The following RAPH1 variants were observed in gnomAD, a reference collection of about 807,000 sequenced individuals.
RAPH1 encodes the protein Ras association (RalGDS/AF-6) and pleckstrin homology domains 1, also known as ras-associated and pleckstrin homology domains-containing protein 1.
A neutral mutation model predicts 88.1 loss-of-function variants in RAPH1; 18 were observed. The ratio of observed to expected loss-of-function variants is 0.20; its 90% CI spans 0.14 to 0.30. The LOEUF is 0.30. RAPH1 is among the 10% of genes least tolerant of loss of function. RAPH1 has a pLI of 1.00. For missense variants in RAPH1, 1,448 were observed against 1,543.2 expected (o/e 0.94, Z 1.03); for synonymous variants, 587 against 559.0 (o/e 1.05, Z -0.71).
intron 1 of RAPH1, among the ~76,000 whole-genome samples, chr2:203,512,805 T>A (rs995461017): frequency 1.3e-5 from 2 of 151,936 alleles, no homozygotes; most frequent in African/African-American, 4.8e-5. Context: ...TTGTTATTTT[T>A]TAGTAGAGAC....
intron 1 of RAPH1, among the ~76,000 whole-genome samples, chr2:203,496,003 T>C (rs1688492825): frequency 6.6e-6 from 1 of 152,212 alleles, no homozygotes; most frequent in African/African-American, 2.4e-5. Flanking sequence ...AATCCTGTTA[T>C]GTGGTGACTT....
intron 3 of RAPH1, 68 bp from the exon 4 acceptor site, chr2:203,490,157 G>T: frequency 7.2e-7 from 1 of 1,390,032 alleles, no homozygotes; most frequent in Non-Finnish European, 9.7e-7. Flanking sequence ...AATAAATGCA[G>T]GTGATGAAGC....
At chr2:203,482,801 T>A (rs1161045927) in intron 4 of RAPH1, among the ~76,000 whole-genome samples, 1 of 148,718 alleles carries the variant, frequency 6.7e-6, no homozygotes, top group Non-Finnish European at 1.5e-5. Context: ...AGAATCTGTC[T>A]CAAAAAAAAC....
At chr2:203,456,499 C>T (rs1428664053) in intron 8 of RAPH1, among the ~76,000 whole-genome samples, 3 of 152,060 alleles carry the variant, frequency 2.0e-5, no homozygotes, top group Admixed American at 1.3e-4. Context: ...ATTCTAAGTT[C>T]TAAACACTAT....
intron 1 of RAPH1, among the ~76,000 whole-genome samples, chr2:203,526,865 C>T (rs1690145411): frequency 6.6e-6 from 1 of 151,402 alleles, no homozygotes; most frequent in African/African-American, 2.4e-5. Flanking sequence ...GCTCCTGCAA[C>T]CTCTCCCTCC....
intron 4 of RAPH1, among the ~76,000 whole-genome samples, chr2:203,464,120 G>GC (rs1394808786): frequency 7.2e-5 from 11 of 152,128 alleles, no homozygotes; most frequent in Non-Finnish European, 1.6e-4. Context: ...TGGCTCATTT[G>GC]CCGCATCCTT....
At position 203,437,726 on chromosome 2, in the gene RAPH1, T is replaced by A. The variant is rs966583195; in HGVS notation, c.*1711A>T. On this transcript the variant is annotated 3_prime_UTR_variant, in exon 14 of 14. Transcript: ENST00000319170. ...AAGACCTTGAGTATACTGTACTAAT[T>A]AAGCACTTTTGCTCATTCTAGAATT... 5.5e-6 allele frequency: 1 copy of A among 182,860 alleles called. No homozygotes were observed. Among genetic ancestry groups the A allele is most frequent in the Admixed American group, 6.0e-5 (1 of 16,688 alleles). 11.3% of individuals were successfully genotyped at this position (182,860 alleles called of 1,614,324 possible).
At chr2:203,444,774 A>G (rs1163505698) in intron 13 of RAPH1, 94 bp downstream of exon 13, 2 of 1,183,626 alleles carry the variant, frequency 1.7e-6, no homozygotes, top group Admixed American at 2.1e-5. Context: ...AAATAAGGCC[A>G]AATAAGATCC....
Position 203,495,294 on chromosome 2 carries a change from T to C in RAPH1, c.60A>G (p.Glu20=). ...CAAACATTTTGTCCAGGTCCTGATCTTCCTTGTCACTGTCTTCTTCAGCAC... is the reference window on the plus strand; with the variant it reads ...CAAACATTTTGTCCAGGTCCTGATCCTCCTTGTCACTGTCTTCTTCAGCAC... ...DHGAEEDSDK[E]DQDLDKMFGA... The change falls in exon 2 of 14, where the codon GAA becomes GAG. Residue 20 remains glutamate (E), a synonymous_variant. Transcript: ENST00000319170. 6.2e-7 allele frequency: 1 copy of C among 1,614,120 alleles called. No homozygotes were observed. The highest frequency in any genetic ancestry group is 8.5e-7 in the Non-Finnish European group (1 of 1,179,988).
chr2:203,534,629 G>A (rs1370887163), intron 1 of RAPH1, among the ~76,000 whole-genome samples: 1 of 150,006 alleles, frequency 6.7e-6, no homozygotes, highest in Non-Finnish European at 1.5e-5. Context: ...TAATTAGAAA[G>A]AAGACACAGA....
At chr2:203,497,039 A>G (rs918972743) in intron 1 of RAPH1, among the ~76,000 whole-genome samples, 3 of 152,184 alleles carry the variant, frequency 2.0e-5, no homozygotes, top group African/African-American at 4.8e-5. Flanking sequence ...AGTGTTGCCA[A>G]TGTGATAGTA....
intron 4 of RAPH1, among the ~76,000 whole-genome samples, chr2:203,482,455 G>T (rs979700019): frequency 6.6e-6 from 1 of 152,130 alleles, no homozygotes; most frequent in Non-Finnish European, 1.5e-5. Context: ...CAAAGTGCCG[G>T]GATTACAGGC....
intron 4 of RAPH1, among the ~76,000 whole-genome samples, chr2:203,483,036 C>T (rs1237473368): frequency 6.6e-6 from 1 of 151,886 alleles, no homozygotes; most frequent in Non-Finnish European, 1.5e-5. Context: ...TGGCTGAGAA[C>T]AAGTATGGGA....
intron 2 of RAPH1, among the ~76,000 whole-genome samples, chr2:203,494,524 T>C (rs1161192137): frequency 6.6e-6 from 1 of 152,008 alleles, no homozygotes. Context: ...AATATTTACA[T>C]GGGGCCAGGC....
chr2:203,448,872 TG>T lies in RAPH1; in HGVS notation c.1414-37del. The T allele has an allele frequency of 6.9e-7, 1 of 1,445,318 alleles. No homozygotes were observed. The highest frequency in any genetic ancestry group is 9.6e-7 in the Non-Finnish European group (1 of 1,041,426). 89.5% of individuals were successfully genotyped at this position (1,445,318 alleles called of 1,614,324 possible). ...AAAGACAAAATCCAACTAAGTCCCT[TG>T]GAGAACTAAAGAAAAACAAACTTTA... On this transcript the variant is annotated intron_variant, in intron 10 of 13. Transcript: ENST00000319170. This position sits in a 1 kb window ranked among gnomAD's most constrained non-coding sequence, Gnocchi z 4.1.
rs1488308709 is a variant in RAPH1, at chr2:203,434,056, C to CTATCTATATATA, written c.*5380_*5381insTATATATAGATA. ...CTCTCTCATATATCTATCTATCTATCTATATATATATATATATATATATAG... is the reference window on the plus strand; with the variant it reads ...CTCTCTCATATATCTATCTATCTATCTATCTATATATATATATATATATATATATATATATAG... On this transcript the variant is annotated 3_prime_UTR_variant, in exon 14 of 14. Transcript: ENST00000319170. 322 of 145,676 alleles carry CTATCTATATATA rather than the reference C, an allele frequency of 2.2e-3. 2 individuals carry two copies. Among genetic ancestry groups the CTATCTATATATA allele is most frequent in the African/African-American group, 7.8e-3 (307 of 39,300 alleles). The allele number at this position is 145,676 out of a possible 1,614,324, so 9.0% of individuals were successfully genotyped here.
chr2:203,515,827 G>C (rs1383418621), intron 1 of RAPH1, among the ~76,000 whole-genome samples: 3 of 152,170 alleles, frequency 2.0e-5, no homozygotes, highest in Non-Finnish European at 1.5e-5. Context: ...ACAAACAATA[G>C]TTGGAGGAAT....
intron 4 of RAPH1, 77 bp downstream of exon 4, chr2:203,489,507 T>C (rs930273578): frequency 9.2e-7 from 1 of 1,081,420 alleles, no homozygotes; most frequent in East Asian, 2.8e-5. Flanking sequence ...ATTTAAGAAG[T>C]TAATTAAAAT....
At chr2:203,516,959 G>T (rs531837885) in intron 1 of RAPH1, among the ~76,000 whole-genome samples, 5 of 151,824 alleles carry the variant, frequency 3.3e-5, no homozygotes, top group African/African-American at 1.2e-4. Context: ...GTGTGAACCC[G>T]GGAGGCAGAG....
Sources: gnomAD v4.1 joint callset for allele counts (sites outside exome capture counted in the v4.1 genomes callset) on GRCh38, gnomAD v4.1.1 for gene constraint, Gnocchi (gnomAD v3.1) non-coding constraint, MANE v1.5 for transcripts, NCBI Gene and HGNC (gene_info 2026-07-23, HGNC 2026-07-21) for gene names.